FAM81A: variants seen among roughly 807,000 people sequenced by gnomAD.
FAM81A encodes family with sequence similarity 81 member A, also known as protein FAM81A.
Under a neutral mutation model 46.7 loss-of-function variants are expected in FAM81A, and 19 were observed. That is an observed-to-expected ratio of 0.41 (90% CI 0.28 to 0.60). The LOEUF (loss-of-function observed/expected upper bound fraction) is 0.60. FAM81A is among the 20% of genes least tolerant of loss of function. The pLI, the probability that FAM81A is intolerant of heterozygous loss-of-function variation, is 0.34. For missense variants in FAM81A, 377 were observed against 453.5 expected (o/e 0.83, Z 1.53); for synonymous variants, 183 against 152.9 (o/e 1.20, Z -1.45).
At chr15:59,443,284 G>A (rs777758357) in intron 1 of FAM81A, among the ~76,000 whole-genome samples, 1 of 152,118 alleles carries the variant, frequency 6.6e-6, no homozygotes, top group Non-Finnish European at 1.5e-5. Context: ...GTTTCACCAC[G>A]TTGGCCAGGC....
chr15:59,520,025 G>T (rs143650360), intron 8 of FAM81A, among the ~76,000 whole-genome samples: 2 of 151,866 alleles, frequency 1.3e-5, no homozygotes, highest in African/African-American at 4.8e-5. Flanking sequence ...GGCCACATGC[G>T]ACCCAGGATG....
At chr15:59,432,889 A>T (rs2081226440) in intron 2 of FAM81A, among the ~76,000 whole-genome samples, 1 of 151,834 alleles carries the variant, frequency 6.6e-6, no homozygotes, top group Admixed American at 6.6e-5. Flanking sequence ...TAATCCCAGC[A>T]CTTTGGGAGG....
chr15:59,500,313 C>T (rs890485025), intron 4 of FAM81A, among the ~76,000 whole-genome samples: 1 of 151,498 alleles, frequency 6.6e-6, no homozygotes, highest in Admixed American at 6.6e-5. Context: ...TCTCTCTTTC[C>T]TTTGAGTTGG....
chr15:59,410,304 A>T (rs1462438512), intron 2 of FAM81A, among the ~76,000 whole-genome samples: 2 of 151,874 alleles, frequency 1.3e-5, no homozygotes, highest in African/African-American at 2.4e-5. Context: ...GTCCAAAAAA[A>T]AGAAGAAGAA....
intron 4 of FAM81A, among the ~76,000 whole-genome samples, chr15:59,495,546 G>A (rs2082024238): frequency 6.6e-6 from 1 of 152,186 alleles, no homozygotes; most frequent in Non-Finnish European, 1.5e-5. Flanking sequence ...GAATGAAAAA[G>A]CTGAGTAACA....
chr15:59,500,137 G>A (rs2082076148), intron 4 of FAM81A, among the ~76,000 whole-genome samples: 1 of 152,100 alleles, frequency 6.6e-6, no homozygotes, highest in Non-Finnish European at 1.5e-5. Context: ...ACAGGCGTGA[G>A]CCACCATGCC....
At chr15:59,489,266 A>AATACATACATAC (rs61067164) in intron 3 of FAM81A, among the ~76,000 whole-genome samples, 5 of 144,266 alleles carry the variant, frequency 3.5e-5, no homozygotes, top group South Asian at 2.2e-4. Flanking sequence ...CTCCATCTCA[A>AATACATACATAC]ATACATACAT....
intron 4 of FAM81A, among the ~76,000 whole-genome samples, chr15:59,502,365 G>A (rs1469835810): frequency 6.6e-6 from 1 of 151,750 alleles, no homozygotes; most frequent in Non-Finnish European, 1.5e-5. Flanking sequence ...AGAGTGTGAT[G>A]TTCCCCTTCC....
At chr15:59,512,829 A>G (rs1326057500) in intron 6 of FAM81A, among the ~76,000 whole-genome samples, 1 of 152,232 alleles carries the variant, frequency 6.6e-6, no homozygotes, top group Non-Finnish European at 1.5e-5. Flanking sequence ...GAGAGAGTCC[A>G]GGGCAGAAGC....
chr15:59,513,137 G>A (rs2082230819), intron 6 of FAM81A, among the ~76,000 whole-genome samples: 1 of 152,190 alleles, frequency 6.6e-6, no homozygotes, highest in African/African-American at 2.4e-5. Context: ...GTAATTAAGA[G>A]GGAGGTAGCA....
At chr15:59,444,963 A>G (rs2081338728) in intron 1 of FAM81A, 1 of 152,256 alleles carries the variant, frequency 6.6e-6, no homozygotes, top group South Asian at 2.1e-4. Context: ...CGGAAGGAAC[A>G]TAATTACCTC....
chr15:59,417,407 A>AACAG (rs2081151409), intron 2 of FAM81A, among the ~76,000 whole-genome samples: 1 of 151,988 alleles, frequency 6.6e-6, no homozygotes, highest in South Asian at 2.1e-4. Flanking sequence ...CAAACAAACA[A>AACAG]AAAAACAAGC....
At chr15:59,504,670 TG>T (rs2141808213) in intron 4 of FAM81A, among the ~76,000 whole-genome samples, 1 of 152,322 alleles carries the variant, frequency 6.6e-6, no homozygotes, top group African/African-American at 2.4e-5. Flanking sequence ...AGTATTGGCT[TG>T]TGGGTGATAT....
chr15:59,458,574 G>A lies in FAM81A; in HGVS notation c.-53G>A. On this transcript the variant is annotated 5_prime_UTR_variant, in exon 2 of 9. Transcript: ENST00000288228. ...GATGTGAATTATTAAAAAGAAAATG[G>A]CCCAACGGAGCACTGTATTTCCTTC... 1.3e-5 allele frequency: 21 copies of A among 1,613,042 alleles called. No individual in the cohort carries two copies. The highest frequency in any genetic ancestry group is 1.8e-5 in the Non-Finnish European group (21 of 1,179,552).
intron 2 of FAM81A, among the ~76,000 whole-genome samples, chr15:59,459,015 G>A (rs2081518217): frequency 6.6e-6 from 1 of 152,132 alleles, no homozygotes; most frequent in Admixed American, 6.5e-5. Context: ...ACTTTTTTTG[G>A]AGACAGGGTC....
intron 8 of FAM81A, among the ~76,000 whole-genome samples, chr15:59,520,554 G>A (rs958322682): frequency 7.0e-6 from 1 of 142,814 alleles, no homozygotes; most frequent in Non-Finnish European, 1.5e-5. Flanking sequence ...GTTTAGATTT[G>A]TTTGCTTCAT....
At chr15:59,406,327 A>G (rs2081094721) in intron 2 of FAM81A, among the ~76,000 whole-genome samples, 1 of 152,238 alleles carries the variant, frequency 6.6e-6, no homozygotes, top group South Asian at 2.1e-4. Context: ...ACGCACTATC[A>G]TCACCCACTT....
intron 2 of FAM81A, among the ~76,000 whole-genome samples, chr15:59,419,167 G>A (rs919986236): frequency 9.2e-5 from 14 of 152,224 alleles, no homozygotes; most frequent in Admixed American, 6.5e-4. Flanking sequence ...CCATAACAAC[G>A]ATAATATCAG....
At chr15:59,423,582 T>C (rs1437775440) in intron 2 of FAM81A, among the ~76,000 whole-genome samples, 2 of 152,130 alleles carry the variant, frequency 1.3e-5, no homozygotes, top group Non-Finnish European at 2.9e-5. Context: ...CACAGACTTA[T>C]TATATGTGAC....
Sources: gnomAD v4.1 joint callset for allele counts (sites outside exome capture counted in the v4.1 genomes callset) on GRCh38, gnomAD v4.1.1 for gene constraint, MANE v1.5 for transcripts, NCBI Gene and HGNC (gene_info 2026-07-23, HGNC 2026-07-21) for gene names.